LAMA2: variants seen among roughly 807,000 people sequenced by gnomAD.
The protein encoded by LAMA2 is laminin subunit alpha 2.
LAMA2 carries 269 observed loss-of-function variants against 364.8 expected under a neutral mutation model. That is an observed-to-expected ratio of 0.74 (90% CI 0.67 to 0.82). The LOEUF is 0.82. LAMA2 is among the 40% of genes least tolerant of loss of function. The pLI is 0.00. For missense variants in LAMA2, 3,807 were observed against 3,873.2 expected (o/e 0.98, Z 0.45); for synonymous variants, 1,379 against 1,370.6 (o/e 1.01, Z -0.14).
intron 47 of LAMA2, among the ~76,000 whole-genome samples, chr6:129,454,542 G>A (rs908926125): frequency 3.9e-5 from 6 of 152,138 alleles, no homozygotes; most frequent in Non-Finnish European, 8.8e-5. Context: ...TAGGAATTTG[G>A]GGGTGTCGCT....
intron 3 of LAMA2, among the ~76,000 whole-genome samples, chr6:129,062,368 C>T (rs997400389): frequency 6.6e-6 from 1 of 152,054 alleles, no homozygotes; most frequent in African/African-American, 2.4e-5. Flanking sequence ...TGAATCCAGA[C>T]CCAAATACAC....
chr6:129,093,491 A>G (rs1243571879), intron 3 of LAMA2, among the ~76,000 whole-genome samples: 1 of 152,132 alleles, frequency 6.6e-6, no homozygotes, highest in African/African-American at 2.4e-5. Context: ...AGTGCTGTAC[A>G]AATATCATTT....
chr6:129,355,626 T>C (rs1274216778), intron 32 of LAMA2, among the ~76,000 whole-genome samples: 2 of 152,090 alleles, frequency 1.3e-5, no homozygotes, highest in African/African-American at 4.8e-5. Context: ...GGAGGTAGCT[T>C]GGCTCTAGCA....
chr6:128,889,116 GC>G (rs1776305806), intron 1 of LAMA2, among the ~76,000 whole-genome samples: 1 of 152,146 alleles, frequency 6.6e-6, no homozygotes, highest in Non-Finnish European at 1.5e-5. Flanking sequence ...AACTTCCGCA[GC>G]TTTTAAAAAT....
In LAMA2 at chr6:129,192,810, A is replaced by ACAG. The variant is rs1184313142; in HGVS notation, c.1741_1743dup (p.Ser581dup). On this transcript the variant is annotated inframe_insertion, in exon 12 of 65. Coordinates refer to ENST00000421865, the MANE Select transcript of LAMA2 (RefSeq NM_000426.4). ...GCGGAGGCCCGGCAAGCCCTGCCGC[A>ACAG]CAGCTACTACTGGAGCGCGCCGGCT... 18 of 1,614,086 alleles carry ACAG rather than the reference A, an allele frequency of 1.1e-5. No homozygotes were observed. Among genetic ancestry groups the ACAG allele is most frequent in the Non-Finnish European group, 1.4e-5 (17 of 1,180,044 alleles).
At chr6:129,017,260 A>G (rs57319675) in intron 1 of LAMA2, among the ~76,000 whole-genome samples, 1 of 151,934 alleles carries the variant, frequency 6.6e-6, no homozygotes, top group East Asian at 1.9e-4. Context: ...CAGCAATTCA[A>G]TTTCCACATT....
At chr6:129,179,049 A>G (rs1315857712) in intron 10 of LAMA2, among the ~76,000 whole-genome samples, 1 of 152,138 alleles carries the variant, frequency 6.6e-6, no homozygotes, top group African/African-American at 2.4e-5. Context: ...CTAATCTATT[A>G]CATTTCATTC....
In LAMA2 at chr6:129,506,164, C is replaced by T. The variant is rs116057028; in HGVS notation, c.8703+809C>T. On this transcript the variant is annotated intron_variant, in intron 61 of 64. Coordinates refer to ENST00000421865, the MANE Select transcript of LAMA2 (RefSeq NM_000426.4). ...GACCAGGAGTTCAAGATGAGCCTGG[C>T]CATCATAGCAAAACCCTGTCTCTAC... Among the ~76,000 whole-genome samples, 395 of 151,900 alleles carry T rather than the reference C, an allele frequency of 2.6e-3. 3 individuals carry two copies. Among genetic ancestry groups the T allele is most frequent in the African/African-American group, 9.1e-3 (379 of 41,446 alleles).
intron 62 of LAMA2, among the ~76,000 whole-genome samples, chr6:129,508,363 T>C (rs746188306): frequency 6.6e-6 from 1 of 152,226 alleles, no homozygotes; most frequent in Non-Finnish European, 1.5e-5. Flanking sequence ...ACATGTATCC[T>C]TTATGTTTCA....
At chr6:129,010,846 C>A (rs1784726841) in intron 1 of LAMA2, among the ~76,000 whole-genome samples, 1 of 152,086 alleles carries the variant, frequency 6.6e-6, no homozygotes, top group South Asian at 2.1e-4. Context: ...TAAAGCAAAT[C>A]TTGTATGATT....
intron 35 of LAMA2, among the ~76,000 whole-genome samples, chr6:129,383,997 T>C (rs1778841660): frequency 6.6e-6 from 1 of 152,224 alleles, no homozygotes; most frequent in Non-Finnish European, 1.5e-5. Flanking sequence ...GATACTTTGC[T>C]TCATAATGTA....
intron 33 of LAMA2, among the ~76,000 whole-genome samples, chr6:129,367,101 C>T (rs1326694676): frequency 3.9e-5 from 6 of 152,156 alleles, no homozygotes; most frequent in Non-Finnish European, 7.3e-5. Context: ...AACTAGTAGA[C>T]CTTTAAAAGT....
chr6:129,404,582 G>T (rs2114699173), intron 40 of LAMA2, among the ~76,000 whole-genome samples: 1 of 152,258 alleles, frequency 6.6e-6, no homozygotes, highest in East Asian at 1.9e-4. Flanking sequence ...TGCTTTAGAT[G>T]TAAAGCAACA....
rs142610738 is a variant in LAMA2 at position 129,141,672 on chromosome 6, T to A, written c.640-2229T>A. Among the ~76,000 whole-genome samples, 17 of 152,176 alleles carry A rather than the reference T, an allele frequency of 1.1e-4. No homozygotes were observed. The East Asian group carries it at 1.7e-3, about 16-fold the overall frequency. ...ACGTTAGGAATGGAAATATGTATCA[T>A]TGCCTCTCCTGTCAAAAAATGTAAT... On this transcript the variant is annotated intron_variant, in intron 4 of 64. Coordinates refer to ENST00000421865, the MANE Select transcript of LAMA2 (RefSeq NM_000426.4).
chr6:129,084,470 C>T (rs746602392), intron 3 of LAMA2, among the ~76,000 whole-genome samples: 4 of 152,032 alleles, frequency 2.6e-5, no homozygotes, highest in Non-Finnish European at 4.4e-5. Flanking sequence ...AAATCATGAC[C>T]TTCTTTTGGC....
intron 1 of LAMA2, among the ~76,000 whole-genome samples, chr6:128,908,362 G>A (rs1777643676): frequency 6.6e-6 from 1 of 151,744 alleles, no homozygotes; most frequent in African/African-American, 2.4e-5. Context: ...GTTTAGTCTT[G>A]GGAGAGTGTA....
At position 129,077,959 on chromosome 6, in the gene LAMA2, G is replaced by T. The variant is rs540021908; in HGVS notation, c.396+18063G>T. On this transcript the variant is annotated intron_variant, in intron 3 of 64. Transcript: ENST00000421865. ...TAATGATGGGTACATGTCCAAACCCGCAGGACGTGCAAGGCCAAGAGTGAA... is the reference window on the plus strand; with the variant it reads ...TAATGATGGGTACATGTCCAAACCCTCAGGACGTGCAAGGCCAAGAGTGAA... Among the ~76,000 whole-genome samples the T allele has an allele frequency of 1.9e-3, 292 of 152,214 alleles. 1 individual carries two copies. Among genetic ancestry groups the T allele is most frequent in the African/African-American group, 6.5e-3 (269 of 41,536 alleles).
rs1336619039 is a variant in LAMA2 at position 129,098,364 on chromosome 6, G to A, written c.588G>A (p.Glu196=). The part of the protein sequence containing the change: ...TGPPSYAKDD[E]VICTSFYSKI... ...CACCGTCATATGCCAAAGATGATGA[G>A]GTCATCTGCACTTCATTTTACTCCA... The change falls in exon 4 of 65, where the codon GAG becomes GAA. Residue 196 remains glutamate, a synonymous_variant. Transcript: ENST00000421865. 1.2e-6 allele frequency: 2 copies of A among 1,613,290 alleles called. No individual in the cohort carries two copies. The highest frequency in any genetic ancestry group is 2.2e-5 in the South Asian group (2 of 91,074).
At chr6:128,940,522 G>A (rs1216591384) in intron 1 of LAMA2, among the ~76,000 whole-genome samples, 1 of 151,958 alleles carries the variant, frequency 6.6e-6, no homozygotes, top group African/African-American at 2.4e-5. Context: ...AAATATTAGT[G>A]AGAGAATAAA....
Sources: gnomAD v4.1 joint callset for allele counts (sites outside exome capture counted in the v4.1 genomes callset) on GRCh38, gnomAD v4.1.1 for gene constraint, MANE v1.5 for transcripts, NCBI Gene and HGNC (gene_info 2026-07-23, HGNC 2026-07-21) for gene names.